Variants in LVRN observed in about 807,000 individuals in gnomAD.
LVRN encodes laeverin, also known as aminopeptidase Q.
LVRN carries 99 observed loss-of-function variants against 111.4 expected under a neutral mutation model. The ratio of observed to expected loss-of-function variants is 0.89; its 90% confidence interval spans 0.76 to 1.05. The LOEUF (loss-of-function observed/expected upper bound fraction) is 1.05, where lower values mean the gene tolerates loss of function less well. Ranked by LOEUF, LVRN falls within the 50% of genes least tolerant of loss-of-function variation. The pLI is 0.00. For missense variants in LVRN, 1,414 were observed against 1,206.8 expected, an observed-to-expected ratio of 1.17 and a Z score of -2.54; for synonymous variants, 488 against 449.5, an observed-to-expected ratio of 1.09 and a Z score of -1.08.
chr5:116,024,094 A>G (rs1185647371), intron 19 of LVRN, among the ~76,000 whole-genome samples: 1 of 152,200 alleles, frequency 6.6e-6, no homozygotes, highest in Non-Finnish European at 1.5e-5. Flanking sequence ...CCTGGGACAG[A>G]GAGAGATGGA....
At chr5:115,999,502 T>C (rs900912816) in intron 6 of LVRN, among the ~76,000 whole-genome samples, 3 of 152,208 alleles carry the variant, frequency 2.0e-5, no homozygotes, top group African/African-American at 7.2e-5. Flanking sequence ...TGTAGGTGGC[T>C]TTTGGAAACC....
intron 1 of LVRN, among the ~76,000 whole-genome samples, chr5:115,970,804 T>G (rs569632650): frequency 1.3e-5 from 2 of 152,376 alleles, no homozygotes; most frequent in Admixed American, 1.3e-4. Context: ...GTTTTCAGTT[T>G]TGAGCTGTTT....
intron 1 of LVRN, among the ~76,000 whole-genome samples, chr5:115,963,696 C>T (rs1465480127): frequency 1.3e-5 from 2 of 152,128 alleles, no homozygotes; most frequent in African/African-American, 2.4e-5. Flanking sequence ...CATCACACAC[C>T]GCGACGTTTT....
chr5:115,988,262 G>A (rs1210099345), intron 4 of LVRN, among the ~76,000 whole-genome samples: 1 of 151,932 alleles, frequency 6.6e-6, no homozygotes, highest in Admixed American at 6.6e-5. Flanking sequence ...CATACTGCAA[G>A]TCTGCAGTGC....
In LVRN at chr5:116,026,188, A is replaced by G; in HGVS notation, c.*70A>G. 1 of 1,585,758 alleles carries G rather than the reference A, an allele frequency of 6.3e-7. No individual in the cohort carries two copies. Among genetic ancestry groups the G allele is most frequent in the Non-Finnish European group, 8.6e-7 (1 of 1,163,736 alleles). ...TTTGTTCACAGTTTTGTCTTCCAAT[A>G]CTTTGTGAGTCTGGAAAACCACACA... is the stretch of plus-strand genomic sequence containing the variant. On this transcript the variant is annotated 3_prime_UTR_variant, in exon 20 of 20. Transcript: ENST00000357872.
At chr5:115,991,972 G>T in intron 4 of LVRN, 151 bp from the exon 5 acceptor site, 1 of 631,426 alleles carries the variant, frequency 1.6e-6, no homozygotes, top group South Asian at 2.5e-5. Context: ...TTTGTCTTTG[G>T]CATTAGTCTT....
intron 4 of LVRN, among the ~76,000 whole-genome samples, chr5:115,991,638 A>G (rs534712388): frequency 6.6e-6 from 1 of 152,328 alleles, no homozygotes; most frequent in Non-Finnish European, 1.5e-5. Context: ...AATGAATGAG[A>G]GTTCCTGTTG....
At position 116,000,662 on chromosome 5, in the gene LVRN, A is replaced by G; in HGVS notation, c.1647+4A>G. 6.2e-7 allele frequency: 1 copy of G among 1,613,216 alleles called. No homozygotes were observed. Among genetic ancestry groups the G allele is most frequent in the Non-Finnish European group, 8.5e-7 (1 of 1,179,404 alleles). On this transcript the variant is annotated splice_donor_region_variant and intron_variant, in intron 9 of 19. Coordinates refer to ENST00000357872, the MANE Select transcript of LVRN (RefSeq NM_173800.5). ...TCTATGGAGGCATTTTCAAATGGTA[A>G]TTGTCCTACTTTCTGACACATTCTT... is the stretch of plus-strand genomic sequence containing the variant.
chr5:115,972,962 T>G (rs889222633), intron 1 of LVRN, among the ~76,000 whole-genome samples: 1 of 152,002 alleles, frequency 6.6e-6, no homozygotes, highest in Non-Finnish European at 1.5e-5. Flanking sequence ...GGGTCTCACT[T>G]CTGGTGCCCA....
At position 115,963,331 on chromosome 5, in the gene LVRN, G is replaced by A; in HGVS notation, c.695+19G>A. On this transcript the variant is annotated intron_variant, in intron 1 of 19. Transcript: ENST00000357872. The stretch of plus-strand genomic sequence containing the variant: ...AGCGCAGGTAAGGGCTGTACAGCCC[G>A]GGGCCCCTCTCGGCCCCCGCCCCTG... 6.4e-7 allele frequency: 1 copy of A among 1,550,752 alleles called. No individual in the cohort carries two copies. The highest frequency in any genetic ancestry group is 1.4e-5 in the African/African-American group (1 of 73,510).
chr5:116,019,651 T>C (rs544655462), intron 18 of LVRN, among the ~76,000 whole-genome samples: 1 of 152,276 alleles, frequency 6.6e-6, no homozygotes, highest in South Asian at 2.1e-4. Flanking sequence ...ATGTGTAGAG[T>C]TTTTGGTTGC....
chr5:115,982,291 G>C (rs1328576537), intron 1 of LVRN, among the ~76,000 whole-genome samples: 3 of 152,074 alleles, frequency 2.0e-5, no homozygotes, highest in African/African-American at 7.2e-5. Flanking sequence ...GGTGAAGGAG[G>C]GATCACAAGG....
At position 115,979,308 on chromosome 5, in the gene LVRN, CT is replaced by C. The variant is rs1416861479; in HGVS notation, c.696-3977del. Among the ~76,000 whole-genome samples, 11 of 152,144 alleles carry C rather than the reference CT, an allele frequency of 7.2e-5. 1 individual carries two copies. Among genetic ancestry groups the C allele is most frequent in the Admixed American group, 7.2e-4 (11 of 15,272 alleles). Reference sequence around the variant, plus strand: ...TCATCTTTCTCAAAAGTGAGTTGGGCTTCTAAGCCTCTCAGCCTCAGGAAAC... The same window carrying C: ...TCATCTTTCTCAAAAGTGAGTTGGGCTCTAAGCCTCTCAGCCTCAGGAAAC... On this transcript the variant is annotated intron_variant, in intron 1 of 19. Coordinates refer to ENST00000357872, the MANE Select transcript of LVRN (RefSeq NM_173800.5).
intron 12 of LVRN, among the ~76,000 whole-genome samples, chr5:116,003,792 A>G (rs1416081993): frequency 1.3e-5 from 2 of 152,146 alleles, no homozygotes; most frequent in African/African-American, 2.4e-5. Context: ...CGTGTTAGCC[A>G]GGATGATCTC....
rs1375202441 is a variant in LVRN, at chr5:116,000,635, G to A, written c.1624G>A (p.Asp542Asn). The A allele has an allele frequency of 6.2e-7, 1 of 1,613,922 alleles. No homozygotes were observed. Reference sequence around the variant, plus strand: ...TTCCTACTCAAACGCTGAGCAAGATGATCTATGGAGGCATTTTCAAATGGT... The same window carrying A: ...TTCCTACTCAAACGCTGAGCAAGATAATCTATGGAGGCATTTTCAAATGGT... Reference protein sequence around the residue: ...TFSYSNAEQDDLWRHFQMAID... With the variant: ...TFSYSNAEQDNLWRHFQMAID... Residue 542 changes from aspartate to asparagine, a missense_variant, in exon 9 of 20, where the codon GAT becomes AAT. Coordinates refer to ENST00000357872, the MANE Select transcript of LVRN (RefSeq NM_173800.5).
At chr5:115,983,077 A>G (rs967885239) in intron 1 of LVRN, among the ~76,000 whole-genome samples, 3 of 152,142 alleles carry the variant, frequency 2.0e-5, no homozygotes, top group Non-Finnish European at 4.4e-5. Flanking sequence ...TTTAAAAGTA[A>G]AGGGTGTGCT....
rs1176079910 is a variant in LVRN at position 115,977,125 on chromosome 5, C to CT, written c.696-6162_696-6161insT. On this transcript the variant is annotated intron_variant, in intron 1 of 19. Transcript: ENST00000357872. ...TTCTTTCCCCAGCAGCTTCTCTTTG[C>CT]CTGACCTCATGATGATTACTATTTG... 3.3e-5 allele frequency among the ~76,000 whole-genome samples: 5 copies of CT among 152,316 alleles called. No homozygotes were observed. The East Asian group carries it at 7.7e-4, about 23-fold the overall frequency.
At chr5:115,979,579 A>T (rs2112566336) in intron 1 of LVRN, among the ~76,000 whole-genome samples, 1 of 152,276 alleles carries the variant, frequency 6.6e-6, no homozygotes, top group East Asian at 1.9e-4. Context: ...GAAAATCTTC[A>T]TAACATGTTT....
In LVRN at chr5:115,966,128, A is replaced by C. The variant is rs77571290; in HGVS notation, c.695+2816A>C. On this transcript the variant is annotated intron_variant, in intron 1 of 19. Coordinates refer to ENST00000357872, the MANE Select transcript of LVRN (RefSeq NM_173800.5). ...TATATGTCTTTGTGTCATTTATCAT[A>C]TGCGTACATTTGCGCAAAAACTACC... 4.6e-3 allele frequency among the ~76,000 whole-genome samples: 704 copies of C among 152,306 alleles called. 8 individuals are homozygous for C. Among genetic ancestry groups the C allele is most frequent in the East Asian group, 0.015 (78 of 5,188 alleles).
Sources: gnomAD v4.1 joint callset for allele counts (sites outside exome capture counted in the v4.1 genomes callset) on GRCh38, gnomAD v4.1.1 for gene constraint, MANE v1.5 for transcripts, NCBI Gene and HGNC (gene_info 2026-07-23, HGNC 2026-07-21) for gene names.